ATOX1: variants seen among roughly 807,000 people sequenced by gnomAD.
ATOX1 encodes the protein copper transport protein ATOX1.
In ATOX1, 4 loss-of-function variants were observed where a neutral mutation model predicts 7.3. The ratio of observed to expected loss-of-function variants is 0.55; its 90% confidence interval spans 0.27 to 1.25. ATOX1 has a LOEUF of 1.25. ATOX1 is among the 50% of genes most tolerant of loss of function. ATOX1 has a pLI of 0.12. For synonymous variants in ATOX1, 25 were observed against 28.7 expected (o/e 0.87, Z 0.41); for missense variants, 68 against 81.6 (o/e 0.83, Z 0.64).
chr5:151,755,938 CTTTTTTTTTTTT>C (rs914215313), intron 1 of ATOX1, among the ~76,000 whole-genome samples: 2 of 118,448 alleles, frequency 1.7e-5, no homozygotes, highest in Admixed American at 8.5e-5. Flanking sequence ...TGGGATGATT[CTTTTTTTTTTTT>C]TTTTTTTTTG....
rs369485519 is a variant in ATOX1 at position 151,748,670 on chromosome 5, T to C, written c.83-2221A>G. ...TGAGGTCAGAAGTTCAAGACCAGCC[T>C]GGCTAACGTGGTGAAACCCCATCTC... On this transcript the variant is annotated intron_variant, in intron 2 of 3. Coordinates refer to ENST00000313115, the MANE Select transcript of ATOX1 (RefSeq NM_004045.4). Among the ~76,000 whole-genome samples the C allele has an allele frequency of 2.1e-4, 32 of 152,254 alleles. 1 individual carries two copies. Among genetic ancestry groups the C allele is most frequent in the African/African-American group, 7.5e-4 (31 of 41,554 alleles).
chr5:151,743,401 C>T (rs1360911175), intron 3 of ATOX1: 1 of 152,154 alleles, frequency 6.6e-6, no homozygotes, highest in African/African-American at 2.4e-5. Context: ...TTTGAGGTTC[C>T]CAAGCCTGGC....
At chr5:151,749,609 A>G (rs577071881) in intron 2 of ATOX1, among the ~76,000 whole-genome samples, 13 of 150,702 alleles carry the variant, frequency 8.6e-5, no homozygotes, top group Middle Eastern at 7.0e-3. Context: ...GTGAGCAGAG[A>G]TCATGCCACT....
At chr5:151,749,921 T>C (rs1316622361) in intron 2 of ATOX1, among the ~76,000 whole-genome samples, 1 of 152,324 alleles carries the variant, frequency 6.6e-6, no homozygotes, top group East Asian at 1.9e-4. Flanking sequence ...TCCTGGACAC[T>C]GGCATCGACA....
intron 2 of ATOX1, among the ~76,000 whole-genome samples, chr5:151,749,800 A>T (rs1761924395): frequency 6.6e-6 from 1 of 152,160 alleles, no homozygotes; most frequent in African/African-American, 2.4e-5. Flanking sequence ...ATGACAAGTC[A>T]GCAGCTAGGT....
chr5:151,744,383 C>T (rs1264477501), intron 3 of ATOX1: 1 of 152,166 alleles, frequency 6.6e-6, no homozygotes, highest in East Asian at 1.9e-4. Flanking sequence ...TGATTTTTCA[C>T]ATAAAAAACT....
intron 1 of ATOX1, among the ~76,000 whole-genome samples, chr5:151,754,782 G>A (rs912682615): frequency 3.3e-5 from 5 of 151,890 alleles, no homozygotes; most frequent in Admixed American, 2.0e-4. Flanking sequence ...TCAAGAGATC[G>A]AGACCATTCT....
intron 2 of ATOX1, among the ~76,000 whole-genome samples, chr5:151,747,076 T>C (rs1424027002): frequency 2.0e-5 from 3 of 151,852 alleles, no homozygotes; most frequent in Admixed American, 2.0e-4. Context: ...ACACTTTTTT[T>C]TTTTTTTTCA....
intron 2 of ATOX1, among the ~76,000 whole-genome samples, chr5:151,750,627 C>G (rs1194842477): frequency 7.6e-6 from 1 of 131,854 alleles, no homozygotes; most frequent in Non-Finnish European, 1.6e-5. Flanking sequence ...TTTTTTAAAT[C>G]TTTCCTTTTT....
chr5:151,750,644 CTTTTTT>C (rs34586233), intron 2 of ATOX1, among the ~76,000 whole-genome samples: 8 of 100,336 alleles, frequency 8.0e-5, no homozygotes, highest in East Asian at 2.9e-4. Context: ...TTTTTTCTTT[CTTTTTT>C]TTTTTTTTTT....
intron 1 of ATOX1, among the ~76,000 whole-genome samples, chr5:151,758,202 C>A (rs1762039024): frequency 6.6e-6 from 1 of 152,254 alleles, no homozygotes; most frequent in Non-Finnish European, 1.5e-5. Context: ...AGGAGGAAGG[C>A]TCAGGGACTA....
chr5:151,752,694 C>T lies in ATOX1; in HGVS notation c.7-915G>A, dbSNP rs188399359. Among the ~76,000 whole-genome samples the T allele has an allele frequency of 7.2e-5, 11 of 152,270 alleles. No homozygotes were observed. The East Asian group carries it at 1.2e-3, about 16-fold the overall frequency. Reference sequence around the variant, plus strand: ...ATTTTAAAATCTCTGGAAATGAGACCATCTGAAATCAGATAAATATGGCTT... The same window carrying T: ...ATTTTAAAATCTCTGGAAATGAGACTATCTGAAATCAGATAAATATGGCTT... On this transcript the variant is annotated intron_variant, in intron 1 of 3. Transcript: ENST00000313115.
Position 151,746,508 on chromosome 5 carries a change from A to C in ATOX1, c.83-59T>G, listed in dbSNP as rs1263475770. ...AAGCACAGACCCTCCCAGTTACAGCAAGAAAGAGTTCAGGCTCTAAATTAC... is the reference window on the plus strand; with the variant it reads ...AAGCACAGACCCTCCCAGTTACAGCCAGAAAGAGTTCAGGCTCTAAATTAC... On this transcript the variant is annotated intron_variant, in intron 2 of 3. Coordinates refer to ENST00000313115, the MANE Select transcript of ATOX1 (RefSeq NM_004045.4). 4 of 1,604,066 alleles carry C rather than the reference A, an allele frequency of 2.5e-6. No homozygotes were observed. The African/African-American group carries it at 5.4e-5, about 21-fold the overall frequency.
rs368061321 is a variant in ATOX1 at position 151,755,739 on chromosome 5, G to A, written c.6+2807C>T. Among the ~76,000 whole-genome samples the A allele has an allele frequency of 2.6e-5, 4 of 152,152 alleles. No homozygotes were observed. In the South Asian group the frequency reaches 8.3e-4, roughly 32 times the overall value. On this transcript the variant is annotated intron_variant, in intron 1 of 3. Coordinates refer to ENST00000313115, the MANE Select transcript of ATOX1 (RefSeq NM_004045.4). ...GAGGGGCAAAAATAAATTTGAGGGT[G>A]ATGGAAAATCTATTTCATGGACAGA...
intron 1 of ATOX1, among the ~76,000 whole-genome samples, chr5:151,754,980 CAAAAAAAAAAAAAA>C (rs79359321): frequency 2.0e-5 from 1 of 48,890 alleles, no homozygotes; most frequent in Admixed American, 2.1e-4. Context: ...AGACACCGTC[CAAAAAAAAAAAAAA>C]AAAAAAAGAA....
chr5:151,749,399 C>A (rs28917196), intron 2 of ATOX1, among the ~76,000 whole-genome samples: 1 of 151,854 alleles, frequency 6.6e-6, no homozygotes, highest in Non-Finnish European at 1.5e-5. Context: ...GCAGGAGAAT[C>A]GCTTGAACCT....
At chr5:151,746,179 G>C in intron 3 of ATOX1, 100 bp downstream of exon 3, 1 of 1,093,374 alleles carries the variant, frequency 9.1e-7, no homozygotes, top group Non-Finnish European at 1.3e-6. Context: ...GAACCCAGAG[G>C]GCTCTCCCGC....
In ATOX1 at chr5:151,758,590, G is replaced by T; in HGVS notation, c.-39C>A. Reference sequence around the variant, plus strand: ...GCGGTGTGGCGGCGGTGTGGCGGCGGTGTCAGCAGCGCCTCTCTGGATTCG... The same window carrying T: ...GCGGTGTGGCGGCGGTGTGGCGGCGTTGTCAGCAGCGCCTCTCTGGATTCG... On this transcript the variant is annotated 5_prime_UTR_variant, in exon 1 of 4. Transcript: ENST00000313115. 7.1e-7 allele frequency: 1 copy of T among 1,410,666 alleles called. No homozygotes were observed. Among genetic ancestry groups the T allele is most frequent in the Non-Finnish European group, 9.3e-7 (1 of 1,076,130 alleles). 87.4% of individuals were successfully genotyped at this position (1,410,666 alleles called of 1,614,324 possible). A position where few individuals can be genotyped will look rare whatever the true frequency, so the allele number is the denominator to read the frequency against.
At chr5:151,746,590 T>C in intron 2 of ATOX1, 141 bp from the exon 3 acceptor site, 1 of 1,100,912 alleles carries the variant, frequency 9.1e-7, no homozygotes, top group Non-Finnish European at 1.3e-6. Context: ...ACTTCTTCTG[T>C]AACAGGCCAG....
Sources: gnomAD v4.1 joint callset for allele counts (sites outside exome capture counted in the v4.1 genomes callset) on GRCh38, gnomAD v4.1.1 for gene constraint, MANE v1.5 for transcripts, NCBI Gene and HGNC (gene_info 2026-07-23, HGNC 2026-07-21) for gene names.